Variants in ADGRA1 observed in about 807,000 individuals in gnomAD.
The protein encoded by ADGRA1 is adhesion G protein-coupled receptor A1.
Under a neutral mutation model 21.3 loss-of-function variants are expected in ADGRA1, and 12 were observed. The observed-to-expected ratio is 0.56, with a 90% CI of 0.36 to 0.91. The LOEUF (loss-of-function observed/expected upper bound fraction) is 0.91, where lower values mean the gene tolerates loss of function less well. Among genes scored for constraint, ADGRA1 ranks in the 40% least tolerant of loss-of-function variants. The pLI, the probability that ADGRA1 is intolerant of heterozygous loss-of-function variation, is 0.01. For synonymous variants in ADGRA1, 385 were observed against 368.8 expected (o/e 1.04, Z -0.50); for missense variants, 790 against 805.6 (o/e 0.98, Z 0.23).
In ADGRA1 at chr10:133,127,275, G is replaced by C. The variant is rs11101941; in HGVS notation, c.444G>C (p.Gly148=). Residue 148 remains glycine, a synonymous_variant, in exon 6 of 7, where the codon GGG becomes GGC. Transcript: ENST00000392607. The part of the protein sequence containing the change: ...VSGGVPFIIC[G]VTAATNIRNY... The stretch of plus-strand genomic sequence containing the variant: ...GAGGGGTCCCCTTTATCATCTGTGG[G>C]GTCACGGCTGCCACGAACATCAGGA... 0.011 allele frequency: 18,356 copies of C among 1,599,850 alleles called. 128 individuals are homozygous for C. The highest frequency in any genetic ancestry group is 0.014 in the Non-Finnish European group (16,367 of 1,174,406).
intron 3 of ADGRA1, among the ~76,000 whole-genome samples, chr10:133,098,287 T>C (rs1231281612): frequency 6.6e-6 from 1 of 152,190 alleles, no homozygotes; most frequent in African/African-American, 2.4e-5. Flanking sequence ...CACCCCATGC[T>C]GGGACCCAGG....
intron 2 of ADGRA1, among the ~76,000 whole-genome samples, chr10:133,093,529 G>A (rs1024472726): frequency 3.3e-5 from 5 of 152,262 alleles, no homozygotes; most frequent in Non-Finnish European, 5.9e-5. Context: ...GGAGATGGAT[G>A]CCCGCCTTCC....
At chr10:133,111,178 AGC>A (rs377720428) in intron 5 of ADGRA1, among the ~76,000 whole-genome samples, 1,341 of 19,372 alleles carry the variant, frequency 0.069, 333 homozygotes, top group Middle Eastern at 0.1. Flanking sequence ...GCCCGCCGTG[AGC>A]ACCTCCCTCC....
intron 2 of ADGRA1, chr10:133,092,981 G>C: frequency 1.3e-6 from 2 of 1,590,378 alleles, no homozygotes; most frequent in African/African-American, 2.7e-5. Flanking sequence ...ACCTGGCCCC[G>C]GACACCTCAC....
chr10:133,090,681 G>T (rs1851583817), intron 2 of ADGRA1, among the ~76,000 whole-genome samples: 2 of 152,196 alleles, frequency 1.3e-5, no homozygotes, highest in South Asian at 4.1e-4. Context: ...AGGGCAGGGT[G>T]GCCCTGACTC....
rs779764182 is a variant in ADGRA1, at chr10:133,097,045, G to A, written c.75G>A (p.Thr25=). 7.4e-6 allele frequency: 12 copies of A among 1,611,370 alleles called. No homozygotes were observed. The highest frequency in any genetic ancestry group is 5.5e-5 in the South Asian group (5 of 91,084). Residue 25 remains threonine, a synonymous_variant, in exon 3 of 7, where the codon ACG becomes ACA. Transcript: ENST00000392607. ...TGCACCCCGTGGTGTACGCGTGCAC[G>A]GCCGTCATGCTGCTCTGCCTCCTGG... ...EFLHPVVYAC[T]AVMLLCLLAS... is the part of the protein sequence containing the mutation.
At chr10:133,102,066 A>C (rs777899369) in intron 4 of ADGRA1, among the ~76,000 whole-genome samples, 5 of 152,188 alleles carry the variant, frequency 3.3e-5, no homozygotes, top group Non-Finnish European at 7.3e-5. Context: ...TCAGGTTATT[A>C]CTCCAAAGGT....
rs748834292 is a variant in ADGRA1 at position 133,128,642 on chromosome 10, T to C, written c.814T>C (p.Phe272Leu). The C allele has an allele frequency of 1.2e-6, 2 of 1,607,924 alleles. No individual in the cohort carries two copies. The highest frequency in any genetic ancestry group is 1.3e-5 in the African/African-American group (1 of 74,878). ...TLFLFTATWAFGALAVSQGHF... is the reference protein window; with the variant it reads ...TLFLFTATWALGALAVSQGHF... ...GTTCCTGTTCACGGCCACGTGGGCC[T>C]TCGGGGCGCTGGCGGTGTCACAGGG... The change falls in exon 7 of 7, where the codon TTC becomes CTC. Residue 272 changes from phenylalanine to leucine, a missense_variant. Physicochemically the swap from Phe to Leu is conservative, Grantham distance 22. This residue lies in a region of ADGRA1 where 382 missense variants were observed against 415.6 expected (regional missense o/e 0.92). Transcript: ENST00000392607.
intron 5 of ADGRA1, among the ~76,000 whole-genome samples, chr10:133,107,282 T>C (rs1000006828): frequency 2.0e-5 from 3 of 152,242 alleles, no homozygotes; most frequent in African/African-American, 7.2e-5. Flanking sequence ...TCACGCCATC[T>C]GTACATAAGG....
chr10:133,092,287 C>T (rs1851607838), intron 2 of ADGRA1, among the ~76,000 whole-genome samples: 1 of 152,210 alleles, frequency 6.6e-6, no homozygotes, highest in African/African-American at 2.4e-5. Flanking sequence ...AGTCTACTTC[C>T]TTCATCTCAC....
intron 5 of ADGRA1, among the ~76,000 whole-genome samples, chr10:133,104,738 G>GCC (rs200913823): frequency 2.6e-5 from 4 of 151,970 alleles, no homozygotes; most frequent in Non-Finnish European, 4.4e-5. Flanking sequence ...CTCCCCAGCC[G>GCC]CCCCCCCGGT....
chr10:133,126,974 C>T (rs1852386320), intron 5 of ADGRA1, among the ~76,000 whole-genome samples: 1 of 152,174 alleles, frequency 6.6e-6, no homozygotes, highest in South Asian at 2.1e-4. Flanking sequence ...GCCAACGGAG[C>T]TCTCCCGGGG....
intron 5 of ADGRA1, among the ~76,000 whole-genome samples, chr10:133,117,973 G>T (rs1852188907): frequency 6.6e-6 from 1 of 152,328 alleles, no homozygotes; most frequent in Admixed American, 6.5e-5. Flanking sequence ...CCAGTTGACT[G>T]GCAAAGCTGT....
At chr10:133,109,316 G>A (rs541366224) in intron 5 of ADGRA1, among the ~76,000 whole-genome samples, 1 of 151,966 alleles carries the variant, frequency 6.6e-6, no homozygotes, top group East Asian at 1.9e-4. Flanking sequence ...CCTGCTCTGT[G>A]GACTGCCCTG....
At chr10:133,106,578 G>C (rs1321237083) in intron 5 of ADGRA1, among the ~76,000 whole-genome samples, 1 of 152,240 alleles carries the variant, frequency 6.6e-6, no homozygotes, top group Non-Finnish European at 1.5e-5. Flanking sequence ...CCCAGGATGG[G>C]CACAGCCTGG....
chr10:133,130,223 G>C lies in ADGRA1; in HGVS notation c.*712G>C, dbSNP rs1852489948. On this transcript the variant is annotated 3_prime_UTR_variant, in exon 7 of 7. Coordinates refer to ENST00000392607, the MANE Select transcript of ADGRA1 (RefSeq NM_001083909.3). ...GCTGAGAGCACCACAGATGCTGGGGGCTGCTCTGGACTTTGGGGATGGCTG... is the reference window on the plus strand; with the variant it reads ...GCTGAGAGCACCACAGATGCTGGGGCCTGCTCTGGACTTTGGGGATGGCTG... 6.6e-6 allele frequency: 1 copy of C among 152,252 alleles called. No homozygotes were observed. Among genetic ancestry groups the C allele is most frequent in the Non-Finnish European group, 1.5e-5 (1 of 68,072 alleles). 9.4% of individuals were successfully genotyped at this position (152,252 alleles called of 1,614,324 possible).
intron 5 of ADGRA1, among the ~76,000 whole-genome samples, chr10:133,115,709 C>T (rs1852144886): frequency 1.3e-5 from 2 of 152,190 alleles, no homozygotes; most frequent in South Asian, 4.1e-4. Context: ...TCCCGGGCCC[C>T]TTGAACCACC....
At chr10:133,088,679 C>T in intron 1 of ADGRA1, 29 bp from the exon 2 acceptor site, 1 of 1,215,496 alleles carries the variant, frequency 8.2e-7, no homozygotes, top group Non-Finnish European at 1.0e-6. Context: ...ACCCTCCGCC[C>T]GCCCCGCTGA....
rs902593434 is a variant in ADGRA1, at chr10:133,130,895, A to G, written c.*1384A>G. 6.6e-6 allele frequency: 1 copy of G among 152,232 alleles called. No individual in the cohort carries two copies. Among genetic ancestry groups the G allele is most frequent in the African/African-American group, 2.4e-5 (1 of 41,448 alleles). 9.4% of individuals were successfully genotyped at this position (152,232 alleles called of 1,614,324 possible). ...ATATCACACACAAACACACGTGCACACATACTTAACACACACTTGCACCTG... is the reference window on the plus strand; with the variant it reads ...ATATCACACACAAACACACGTGCACGCATACTTAACACACACTTGCACCTG... On this transcript the variant is annotated 3_prime_UTR_variant, in exon 7 of 7. Transcript: ENST00000392607.
Sources: allele counts gnomAD v4.1 joint callset (sites outside exome capture counted in the v4.1 genomes callset), GRCh38; gene constraint gnomAD v4.1.1; regional missense constraint gnomAD v4.1.1; transcripts MANE v1.5; gene names NCBI Gene and HGNC (gene_info 2026-07-23, HGNC 2026-07-21).